KCNC2: variants seen among roughly 807,000 people sequenced by gnomAD.
The protein encoded by KCNC2 is voltage-gated potassium channel KCNC2.
In KCNC2, 21 loss-of-function variants were observed where a neutral mutation model predicts 44.5. The observed-to-expected ratio is 0.47, with a 90% CI of 0.33 to 0.68. KCNC2 has a LOEUF of 0.68. KCNC2 is among the 30% of genes least tolerant of loss of function. The probability of loss-of-function intolerance (pLI) is 0.01; values close to 1 mark genes in which losing one functional copy is unlikely to be tolerated. For synonymous variants in KCNC2, 391 were observed against 339.1 expected (o/e 1.15, Z -1.68); for missense variants, 589 against 826.2 (o/e 0.71, Z 3.52).
intron 2 of KCNC2, among the ~76,000 whole-genome samples, chr12:75,100,016 G>A (rs1886248620): frequency 6.6e-6 from 1 of 152,072 alleles, no homozygotes; most frequent in Admixed American, 6.6e-5. Context: ...TTTAGAGAAG[G>A]CTAAGGAGGA....
chr12:75,163,917 G>C (rs1178366031), intron 2 of KCNC2, among the ~76,000 whole-genome samples: 1 of 151,632 alleles, frequency 6.6e-6, no homozygotes, highest in Non-Finnish European at 1.5e-5. Flanking sequence ...GTTTGCTACT[G>C]TTACTGTGAA....
At chr12:75,201,346 C>A (rs1341233546) in intron 2 of KCNC2, among the ~76,000 whole-genome samples, 1 of 137,094 alleles carries the variant, frequency 7.3e-6, no homozygotes, top group East Asian at 2.4e-4. Context: ...GGAGTGCAAT[C>A]TGAATGGGCA....
At chr12:75,102,327 T>C (rs1294072593) in intron 2 of KCNC2, among the ~76,000 whole-genome samples, 2 of 152,032 alleles carry the variant, frequency 1.3e-5, no homozygotes, top group Non-Finnish European at 2.9e-5. Flanking sequence ...TCTTTTTTTT[T>C]CCAAAGGAAA....
intron 2 of KCNC2, among the ~76,000 whole-genome samples, chr12:75,067,306 T>C (rs548891857): frequency 1.3e-5 from 2 of 152,344 alleles, no homozygotes; most frequent in East Asian, 1.9e-4. Flanking sequence ...AAGTCTCTAA[T>C]TCACCATGGA....
At chr12:75,193,530 C>G (rs543593891) in intron 2 of KCNC2, among the ~76,000 whole-genome samples, 162 of 152,062 alleles carry the variant, frequency 1.1e-3, no homozygotes, top group African/African-American at 3.3e-3. Flanking sequence ...AAGAACAGCT[C>G]TATAAATAGA....
chr12:75,142,271 G>A (rs946508774), intron 2 of KCNC2, among the ~76,000 whole-genome samples: 18 of 152,210 alleles, frequency 1.2e-4, no homozygotes, highest in African/African-American at 3.4e-4. Flanking sequence ...AAAACAAAGA[G>A]ATAAGACAAT....
intron 4 of KCNC2, among the ~76,000 whole-genome samples, chr12:75,045,069 C>T (rs1880328050): frequency 6.6e-6 from 1 of 151,868 alleles, no homozygotes; most frequent in African/African-American, 2.4e-5. Context: ...AAAAAATTAT[C>T]CTATGCCATC....
intron 2 of KCNC2, among the ~76,000 whole-genome samples, chr12:75,078,752 T>A (rs1002781025): frequency 6.6e-6 from 1 of 152,138 alleles, no homozygotes; most frequent in Admixed American, 6.5e-5. Context: ...CGAGAGTGAA[T>A]TTGAGAAGGA....
Position 75,109,923 on chromosome 12 carries a change from AAG to A in KCNC2, c.688-58608_688-58607del, listed in dbSNP as rs1887090859. Among the ~76,000 whole-genome samples, 6 of 152,280 alleles carry A rather than the reference AAG, an allele frequency of 3.9e-5. No individual in the cohort carries two copies. In the South Asian group the frequency reaches 1.0e-3, roughly 26 times the overall value. On this transcript the variant is annotated intron_variant, in intron 2 of 4. Coordinates refer to ENST00000549446, the MANE Select transcript of KCNC2 (RefSeq NM_139137.4). ...TTTTTTAAATTGGTAGAGGAAATGA[AAG>A]AGAAGATGACAACTTTTAAGAATTG...
At chr12:75,081,618 T>C (rs1884519365) in intron 2 of KCNC2, among the ~76,000 whole-genome samples, 1 of 152,072 alleles carries the variant, frequency 6.6e-6, no homozygotes, top group African/African-American at 2.4e-5. Context: ...CTTCTTGTAA[T>C]AAATTTTCTC....
intron 2 of KCNC2, among the ~76,000 whole-genome samples, chr12:75,156,580 T>C (rs938892925): frequency 2.0e-5 from 3 of 151,884 alleles, no homozygotes; most frequent in African/African-American, 7.2e-5. Flanking sequence ...AGCTATGTGA[T>C]CTTAAGACAA....
intron 2 of KCNC2, among the ~76,000 whole-genome samples, chr12:75,112,311 T>C (rs978905382): frequency 6.6e-6 from 1 of 151,970 alleles, no homozygotes; most frequent in Non-Finnish European, 1.5e-5. Context: ...CTGAATTAAG[T>C]ATAAAGATAA....
intron 2 of KCNC2, among the ~76,000 whole-genome samples, chr12:75,153,362 C>T (rs994667086): frequency 7.2e-5 from 11 of 152,026 alleles, no homozygotes; most frequent in African/African-American, 2.4e-4. Context: ...TTACGTGTAA[C>T]ATTTGACTCC....
At chr12:75,080,259 C>T (rs1884366028) in intron 2 of KCNC2, among the ~76,000 whole-genome samples, 1 of 141,314 alleles carries the variant, frequency 7.1e-6, no homozygotes. Flanking sequence ...AATAGGTGCA[C>T]TGCTCAAATA....
chr12:75,045,117 A>T (rs1055562321), intron 4 of KCNC2, among the ~76,000 whole-genome samples: 1 of 151,978 alleles, frequency 6.6e-6, no homozygotes, highest in Non-Finnish European at 1.5e-5. Flanking sequence ...AAACTAGACG[A>T]TAAACATTGA....
intron 2 of KCNC2, among the ~76,000 whole-genome samples, chr12:75,178,877 G>C (rs1292222464): frequency 6.6e-6 from 1 of 151,894 alleles, no homozygotes; most frequent in Non-Finnish European, 1.5e-5. Flanking sequence ...AAAGAGGTGG[G>C]GGAATCATGC....
chr12:75,062,189 C>G (rs1419723084), intron 2 of KCNC2, among the ~76,000 whole-genome samples: 2 of 151,986 alleles, frequency 1.3e-5, no homozygotes, highest in Non-Finnish European at 2.9e-5. Flanking sequence ...AGTCAAAGCC[C>G]TCTTCTTTAT....
At chr12:75,113,203 T>C (rs1463507) in intron 2 of KCNC2, among the ~76,000 whole-genome samples, 40,093 of 151,990 alleles carry the variant, frequency 0.26, 5,822 homozygotes, top group Middle Eastern at 0.4. Flanking sequence ...ATATACATAA[T>C]GGGGTCTATC....
At chr12:75,188,581 G>T (rs1004436341) in intron 2 of KCNC2, among the ~76,000 whole-genome samples, 43 of 148,090 alleles carry the variant, frequency 2.9e-4, no homozygotes, top group Admixed American at 2.2e-3. Flanking sequence ...TAACAAGGTG[G>T]CCGGGCGCGG....
Sources: gnomAD v4.1 joint callset for allele counts (sites outside exome capture counted in the v4.1 genomes callset) on GRCh38, gnomAD v4.1.1 for gene constraint, MANE v1.5 for transcripts, NCBI Gene and HGNC (gene_info 2026-07-23, HGNC 2026-07-21) for gene names.